The following EDIL3 variants were observed in gnomAD, a reference collection of about 807,000 sequenced individuals.
The protein encoded by EDIL3 is EGF-like repeat and discoidin I-like domain-containing protein 3.
Under a neutral mutation model 67.4 loss-of-function variants are expected in EDIL3, and 37 were observed. The observed-to-expected ratio is 0.55, with a 90% CI of 0.42 to 0.72. The LOEUF is 0.72. Among genes scored for constraint, EDIL3 ranks in the 30% least tolerant of loss-of-function variants. The pLI, the probability that EDIL3 is intolerant of heterozygous loss-of-function variation, is 0.00. For synonymous variants in EDIL3, 195 were observed against 196.3 expected, an observed-to-expected ratio of 0.99 and a Z score of 0.05; for missense variants, 527 against 586.3, an observed-to-expected ratio of 0.90 and a Z score of 1.04.
intron 6 of EDIL3, among the ~76,000 whole-genome samples, chr5:84,071,790 T>C (rs916301808): frequency 6.6e-6 from 1 of 152,114 alleles, no homozygotes; most frequent in South Asian, 2.1e-4. Context: ...TAATAGAAGA[T>C]CAACATATAA....
chr5:84,232,093 T>C (rs369543042), intron 2 of EDIL3, among the ~76,000 whole-genome samples: 10 of 152,212 alleles, frequency 6.6e-5, no homozygotes, highest in African/African-American at 2.4e-4. Context: ...TGCCTTATTG[T>C]ATCACAAAGT....
At chr5:84,168,940 C>G (rs1012831113) in intron 4 of EDIL3, among the ~76,000 whole-genome samples, 2 of 152,164 alleles carry the variant, frequency 1.3e-5, no homozygotes, top group African/African-American at 4.8e-5. Flanking sequence ...ATGGCTTACA[C>G]GTCCTTGACT....
At chr5:84,125,347 A>C (rs1427196910) in intron 5 of EDIL3, among the ~76,000 whole-genome samples, 1 of 152,052 alleles carries the variant, frequency 6.6e-6, no homozygotes, top group Non-Finnish European at 1.5e-5. Context: ...TTATTGCCAC[A>C]GCCATTTTGC....
At chr5:84,006,436 A>G (rs1038011120) in intron 9 of EDIL3, among the ~76,000 whole-genome samples, 1 of 152,164 alleles carries the variant, frequency 6.6e-6, no homozygotes, top group African/African-American at 2.4e-5. Context: ...GCTGGAGGCC[A>G]TTATGCTATG....
chr5:84,093,380 T>G (rs1235546346), intron 6 of EDIL3, among the ~76,000 whole-genome samples: 1 of 152,146 alleles, frequency 6.6e-6, no homozygotes, highest in African/African-American at 2.4e-5. Flanking sequence ...ACTATGATTT[T>G]GATATATAGT....
intron 3 of EDIL3, among the ~76,000 whole-genome samples, chr5:84,184,818 A>G (rs1438639587): frequency 1.3e-5 from 2 of 152,172 alleles, no homozygotes; most frequent in Non-Finnish European, 2.9e-5. Flanking sequence ...GAATTGGTAC[A>G]TTGGAGCTCA....
At chr5:84,170,911 C>T (rs1486576918) in intron 4 of EDIL3, among the ~76,000 whole-genome samples, 1 of 152,034 alleles carries the variant, frequency 6.6e-6, no homozygotes, top group Non-Finnish European at 1.5e-5. Context: ...TCTCCTGCCT[C>T]AGCCTCCAGA....
intron 9 of EDIL3, among the ~76,000 whole-genome samples, chr5:83,994,312 C>T (rs536059913): frequency 1.4e-4 from 21 of 151,528 alleles, no homozygotes; most frequent in African/African-American, 4.8e-4. Flanking sequence ...ATTACTTTAT[C>T]AAGTTACTTT....
At chr5:83,983,109 C>G (rs1358473086) in intron 9 of EDIL3, among the ~76,000 whole-genome samples, 3 of 152,108 alleles carry the variant, frequency 2.0e-5, no homozygotes, top group African/African-American at 7.2e-5. Context: ...ACCATATGAA[C>G]TAGTATGGGT....
chr5:84,265,750 T>C (rs769869859), intron 1 of EDIL3, among the ~76,000 whole-genome samples: 6 of 152,232 alleles, frequency 3.9e-5, no homozygotes, highest in South Asian at 4.1e-4. Flanking sequence ...AAATGAGCTC[T>C]TGAATTCTTT....
intron 4 of EDIL3, among the ~76,000 whole-genome samples, chr5:84,142,829 C>A (rs78303919): frequency 1.2e-3 from 174 of 145,794 alleles, no homozygotes; most frequent in African/African-American, 3.3e-3. Flanking sequence ...GCCCCCCCCC[C>A]CAAGCTTTTT....
chr5:84,180,129 T>C (rs1365507861), intron 4 of EDIL3, among the ~76,000 whole-genome samples: 1 of 152,106 alleles, frequency 6.6e-6, no homozygotes, highest in Non-Finnish European at 1.5e-5. Context: ...GTAAAGTGCA[T>C]CTTTTGGCAA....
chr5:84,205,097 G>T (rs1054985510), intron 3 of EDIL3, among the ~76,000 whole-genome samples: 212 of 115,730 alleles, frequency 1.8e-3, no homozygotes, highest in Non-Finnish European at 2.7e-3. Context: ...TTTTTTTTTT[G>T]TAGAGATAGG....
chr5:84,226,690 T>C (rs1251617086), intron 3 of EDIL3, among the ~76,000 whole-genome samples: 1 of 151,932 alleles, frequency 6.6e-6, no homozygotes, highest in African/African-American at 2.4e-5. Flanking sequence ...GTTAATATAA[T>C]CCATATGTGA....
At chr5:84,157,276 G>A (rs890945416) in intron 4 of EDIL3, among the ~76,000 whole-genome samples, 2 of 151,774 alleles carry the variant, frequency 1.3e-5, no homozygotes, top group South Asian at 2.1e-4. Flanking sequence ...CCCAAGACAC[G>A]TTTACCTATA....
chr5:84,247,384 C>T (rs1744929058), intron 2 of EDIL3, among the ~76,000 whole-genome samples: 1 of 152,104 alleles, frequency 6.6e-6, no homozygotes, highest in South Asian at 2.1e-4. Context: ...TGAACACTAA[C>T]AAGAAGTCTT....
chr5:84,383,968 C>T (rs1264705720), intron 1 of EDIL3, among the ~76,000 whole-genome samples: 1 of 152,172 alleles, frequency 6.6e-6, no homozygotes, highest in African/African-American at 2.4e-5. Context: ...CAGCATCGCC[C>T]GCACTGCCTA....
intron 6 of EDIL3, 129 bp from the exon 7 acceptor site, chr5:84,066,735 G>T: frequency 8.2e-7 from 1 of 1,225,738 alleles, no homozygotes; most frequent in Non-Finnish European, 1.1e-6. Flanking sequence ...TAATTTTCAT[G>T]GATAAATGTT....
At chr5:83,945,120 T>G (rs1437878328) in intron 10 of EDIL3, among the ~76,000 whole-genome samples, 2 of 152,042 alleles carry the variant, frequency 1.3e-5, no homozygotes, top group African/African-American at 4.8e-5. Context: ...CTGCTGGTTC[T>G]GCTGGCATAT....
Sources: allele counts gnomAD v4.1 joint callset (sites outside exome capture counted in the v4.1 genomes callset), GRCh38; gene constraint gnomAD v4.1.1; transcripts MANE v1.5; gene names NCBI Gene and HGNC (gene_info 2026-07-23, HGNC 2026-07-21).